ACTR10: variants seen among roughly 807,000 people sequenced by gnomAD.
The protein encoded by ACTR10 is actin-related protein 10.
In ACTR10, 43 loss-of-function variants were observed where a neutral mutation model predicts 56.2. The ratio of observed to expected loss-of-function variants is 0.77; its 90% CI spans 0.60 to 0.99. The LOEUF is 0.99. ACTR10 is among the 50% of genes least tolerant of loss of function. The probability of loss-of-function intolerance (pLI) is 0.00; values close to 1 mark genes in which losing one functional copy is unlikely to be tolerated. For missense variants in ACTR10, 466 were observed against 507.8 expected (o/e 0.92, Z 0.79); for synonymous variants, 170 against 176.3 (o/e 0.96, Z 0.28).
intron 1 of ACTR10, among the ~76,000 whole-genome samples, chr14:58,200,900 C>CT (rs1407693508): frequency 1.3e-5 from 2 of 152,156 alleles, no homozygotes. Context: ...GGTTCTCAAC[C>CT]TTTCGGATGG....
chr14:58,222,273 C>T (rs1889291797), intron 8 of ACTR10, among the ~76,000 whole-genome samples: 1 of 152,084 alleles, frequency 6.6e-6, no homozygotes, highest in South Asian at 2.1e-4. Context: ...TATTCCTTAA[C>T]TACCTTGAAA....
chr14:58,232,336 T>C (rs576069001), intron 12 of ACTR10, 69 bp downstream of exon 12: 3 of 1,130,312 alleles, frequency 2.7e-6, no homozygotes, highest in South Asian at 3.2e-5. Flanking sequence ...TATTAATGGA[T>C]ATATTAGAAT....
At position 58,234,726 on chromosome 14, in the gene ACTR10, G is replaced by C. The variant is rs1889635463; in HGVS notation, c.*175G>C. 1 of 474,600 alleles carries C rather than the reference G, an allele frequency of 2.1e-6. No individual in the cohort carries two copies. The highest frequency in any genetic ancestry group is 2.0e-5 in the African/African-American group (1 of 50,080). The allele number at this position is 474,600 out of a possible 1,614,324, so 29.4% of individuals were successfully genotyped here. A position where few individuals can be genotyped will look rare whatever the true frequency, so the allele number is the denominator to read the frequency against. ...TTTGACTTTGTTTCTCTTGTGTAGT[G>C]GTAAAATGGTAGCTGGTGCTTATTG... On this transcript the variant is annotated 3_prime_UTR_variant, in exon 13 of 13. Transcript: ENST00000254286.
intron 1 of ACTR10, among the ~76,000 whole-genome samples, chr14:58,201,518 A>G (rs181616929): frequency 3.9e-5 from 6 of 152,198 alleles, no homozygotes; most frequent in African/African-American, 1.4e-4. Flanking sequence ...GGAGACGGGA[A>G]TAGGAGGAGA....
chr14:58,211,454 A>G (rs760475429), intron 5 of ACTR10, 55 bp downstream of exon 5: 7 of 1,217,482 alleles, frequency 5.7e-6, no homozygotes, highest in Middle Eastern at 1.9e-4. Context: ...TTTAACTAAA[A>G]TAATTAGGCT....
At chr14:58,217,677 AAAAG>A (rs1185529285) in intron 7 of ACTR10, among the ~76,000 whole-genome samples, 1 of 152,106 alleles carries the variant, frequency 6.6e-6, no homozygotes, top group African/African-American at 2.4e-5. Context: ...AAAAAAAAAA[AAAAG>A]AAAAAGAAAT....
chr14:58,214,719 G>C lies in ACTR10; in HGVS notation c.519-486G>C, dbSNP rs113931989. 2.0e-5 allele frequency among the ~76,000 whole-genome samples: 3 copies of C among 151,294 alleles called. 1 individual carries two copies. The South Asian group carries it at 6.3e-4, about 32-fold the overall frequency. On this transcript the variant is annotated intron_variant, in intron 6 of 12. Transcript: ENST00000254286. ...TTGGCCAGGCTGTTCTCAAACTCCT[G>C]ACCTCAGGTGATCCACCCGCTTCAG...
Position 58,219,708 on chromosome 14 carries a change from G to T in ACTR10, c.613G>T (p.Gly205Cys). The change falls in exon 8 of 13, where the codon GGT becomes TGT. Residue 205 changes from glycine (G) to cysteine (C), a missense_variant. Transcript: ENST00000254286. ...ATTTGTTTTAGGTTCAGTTCCGGAA[G>T]GTGTCTTAGAGGACATTAAAGGTAA... is the stretch of plus-strand genomic sequence containing the variant. ...LPSVMGSVPE[G>C]VLEDIKARTC... The T allele has an allele frequency of 6.6e-7, 1 of 1,523,760 alleles. No homozygotes were observed. Among genetic ancestry groups the T allele is most frequent in the Non-Finnish European group, 8.8e-7 (1 of 1,135,674 alleles). 94.4% of individuals were successfully genotyped at this position (1,523,760 alleles called of 1,614,324 possible).
intron 4 of ACTR10, 40 bp from the exon 5 acceptor site, chr14:58,211,252 C>A: frequency 1.4e-6 from 2 of 1,407,768 alleles, no homozygotes; most frequent in South Asian, 1.2e-5. Flanking sequence ...AATAATGACA[C>A]TCATTCCGGT....
chr14:58,224,620 A>C (rs1304141228), intron 10 of ACTR10, among the ~76,000 whole-genome samples: 1 of 152,184 alleles, frequency 6.6e-6, no homozygotes, highest in Non-Finnish European at 1.5e-5. Flanking sequence ...AAAATTCATG[A>C]AACTAACCAT....
At chr14:58,229,223 CAG>C (rs954865399) in intron 10 of ACTR10, among the ~76,000 whole-genome samples, 9 of 151,360 alleles carry the variant, frequency 5.9e-5, no homozygotes, top group African/African-American at 1.7e-4. Flanking sequence ...TATCTAGAAA[CAG>C]AGTAAAACAG....
intron 1 of ACTR10, among the ~76,000 whole-genome samples, chr14:58,202,078 A>G (rs889044311): frequency 2.0e-5 from 3 of 151,968 alleles, no homozygotes; most frequent in Admixed American, 6.6e-5. Flanking sequence ...TGAGTTAATT[A>G]TGTATGAAGT....
At chr14:58,217,888 A>G (rs1251816266) in intron 7 of ACTR10, among the ~76,000 whole-genome samples, 1 of 152,216 alleles carries the variant, frequency 6.6e-6, no homozygotes, top group Non-Finnish European at 1.5e-5. Context: ...AAAAATGTAC[A>G]GTTTAAATTA....
intron 2 of ACTR10, among the ~76,000 whole-genome samples, chr14:58,203,181 A>T (rs980358699): frequency 6.6e-6 from 1 of 151,958 alleles, no homozygotes; most frequent in African/African-American, 2.4e-5. Context: ...AGGCACCTCT[A>T]ATCCCAGCTC....
chr14:58,223,457 A>G, intron 8 of ACTR10, 165 bp from the exon 9 acceptor site: 1 of 677,774 alleles, frequency 1.5e-6, no homozygotes, highest in East Asian at 2.8e-5. Flanking sequence ...TTTTTAATGA[A>G]CAAATTATTG....
Position 58,200,172 on chromosome 14 carries a change from T to A in ACTR10, c.-46T>A. 2 of 1,421,046 alleles carry A rather than the reference T, an allele frequency of 1.4e-6. No homozygotes were observed. 88.0% of individuals were successfully genotyped at this position (1,421,046 alleles called of 1,614,324 possible). On this transcript the variant is annotated 5_prime_UTR_variant, in exon 1 of 13. Coordinates refer to ENST00000254286, the MANE Select transcript of ACTR10 (RefSeq NM_018477.3). ...CCGCCCCGCGAGCGCCGAGACTTGT[T>A]GGCCGCGGAGACTGCGACCCTCTTC...
intron 5 of ACTR10, 141 bp downstream of exon 5, chr14:58,211,540 T>C: frequency 1.7e-6 from 1 of 596,388 alleles, no homozygotes; most frequent in Non-Finnish European, 2.9e-6. Context: ...GTGGAAAAAG[T>C]TCACAGGATT....
Position 58,200,206 on chromosome 14 carries a change from T to G in ACTR10, c.-12T>G, listed in dbSNP as rs187781198. 3 of 1,514,312 alleles carry G rather than the reference T, an allele frequency of 2.0e-6. No individual in the cohort carries two copies. The highest frequency in any genetic ancestry group is 2.9e-5 in the African/African-American group (2 of 70,044). The allele number at this position is 1,514,312 out of a possible 1,614,324, so 93.8% of individuals were successfully genotyped here. On this transcript the variant is annotated 5_prime_UTR_variant, in exon 1 of 13. Coordinates refer to ENST00000254286, the MANE Select transcript of ACTR10 (RefSeq NM_018477.3). ...AGACTGCGACCCTCTTCTCTCAGTC[T>G]GCCTTACTACCATGCCGCTCTACGA... is the stretch of plus-strand genomic sequence containing the variant.
intron 3 of ACTR10, among the ~76,000 whole-genome samples, 164 bp downstream of exon 3, chr14:58,208,182 T>C (rs1050329820): frequency 1.2e-4 from 19 of 152,122 alleles, no homozygotes; most frequent in Non-Finnish European, 2.5e-4. Context: ...ATTTGAAGAC[T>C]AGAAAACTGG....
Sources: allele counts gnomAD v4.1 joint callset (sites outside exome capture counted in the v4.1 genomes callset), GRCh38; gene constraint gnomAD v4.1.1; transcripts MANE v1.5; gene names NCBI Gene and HGNC (gene_info 2026-07-23, HGNC 2026-07-21).